The following ARHGEF3 variants were observed in gnomAD, a reference collection of about 807,000 sequenced individuals.
ARHGEF3 encodes 59.8 kDA protein.
ARHGEF3 carries 28 observed loss-of-function variants against 63.2 expected under a neutral mutation model. The observed-to-expected ratio is 0.44, with a 90% CI of 0.33 to 0.61. ARHGEF3 has a LOEUF of 0.61. ARHGEF3 is among the 20% of genes least tolerant of loss of function. The pLI, the probability that ARHGEF3 is intolerant of heterozygous loss-of-function variation, is 0.03. For missense variants in ARHGEF3, 533 were observed against 659.3 expected (o/e 0.81, Z 2.10); for synonymous variants, 266 against 254.2 (o/e 1.05, Z -0.44).
chr3:56,975,140 G>A (rs867756727), intron 2 of ARHGEF3, among the ~76,000 whole-genome samples: 3 of 152,172 alleles, frequency 2.0e-5, no homozygotes, highest in African/African-American at 7.2e-5. Flanking sequence ...AGTTCTGGCT[G>A]AGTGCGGTGG....
intron 2 of ARHGEF3, among the ~76,000 whole-genome samples, chr3:56,771,599 C>T (rs1324019925): frequency 1.3e-5 from 2 of 152,220 alleles, no homozygotes; most frequent in African/African-American, 4.8e-5. Context: ...TAGCTCATTA[C>T]TGCCATGTGG....
At chr3:57,014,093 G>C (rs1487973494) in intron 2 of ARHGEF3, among the ~76,000 whole-genome samples, 1 of 151,910 alleles carries the variant, frequency 6.6e-6, no homozygotes, top group Non-Finnish European at 1.5e-5. Flanking sequence ...AACCCGCCAG[G>C]AGGAACGAAC....
chr3:56,856,429 CTATT>C (rs1404620829), intron 4 of ARHGEF3, among the ~76,000 whole-genome samples: 1 of 152,092 alleles, frequency 6.6e-6, no homozygotes, highest in African/African-American at 2.4e-5. Flanking sequence ...TTTTACTTGT[CTATT>C]TATTGCTTAT....
At chr3:57,024,296 A>AC (rs1189672092) in intron 2 of ARHGEF3, among the ~76,000 whole-genome samples, 20 of 94,140 alleles carry the variant, frequency 2.1e-4, no homozygotes, top group African/African-American at 6.8e-4. Context: ...AAGGAAAGAT[A>AC]TTAAAAAAAA....
At chr3:56,975,422 A>T (rs1701087217) in intron 2 of ARHGEF3, among the ~76,000 whole-genome samples, 1 of 150,106 alleles carries the variant, frequency 6.7e-6, no homozygotes, top group South Asian at 2.1e-4. Context: ...TGTCTCAAAA[A>T]ATAATAATAA....
chr3:57,025,767 T>C (rs535792019), intron 2 of ARHGEF3, among the ~76,000 whole-genome samples: 60 of 152,278 alleles, frequency 3.9e-4, no homozygotes, highest in African/African-American at 1.3e-3. Flanking sequence ...CTCTATTAGA[T>C]TGTAATCAGG....
chr3:57,038,694 C>T (rs1302643691), intron 1 of ARHGEF3, among the ~76,000 whole-genome samples: 1 of 152,184 alleles, frequency 6.6e-6, no homozygotes, highest in African/African-American at 2.4e-5. Flanking sequence ...ATTCTTGCAC[C>T]TCAGCCTACC....
intron 3 of ARHGEF3, among the ~76,000 whole-genome samples, chr3:56,946,715 C>G (rs1228409784): frequency 6.6e-6 from 1 of 152,134 alleles, no homozygotes; most frequent in Non-Finnish European, 1.5e-5. Context: ...AGGATATTAT[C>G]CAGGAGAACT....
At chr3:56,736,249 A>T (rs188633846) in intron 8 of ARHGEF3, among the ~76,000 whole-genome samples, 5 of 152,334 alleles carry the variant, frequency 3.3e-5, no homozygotes, top group African/African-American at 1.2e-4. Context: ...CAAACCACCA[A>T]AACAACATGG....
intron 2 of ARHGEF3, among the ~76,000 whole-genome samples, chr3:56,765,194 A>G (rs574214889): frequency 3.9e-5 from 6 of 152,164 alleles, no homozygotes; most frequent in Non-Finnish European, 5.9e-5. Flanking sequence ...ATACTCTCCA[A>G]GCTTGTCCAA....
At chr3:56,795,718 T>G (rs892556162) in intron 1 of ARHGEF3, among the ~76,000 whole-genome samples, 1 of 148,876 alleles carries the variant, frequency 6.7e-6, no homozygotes, top group African/African-American at 2.5e-5. Flanking sequence ...CTCGGCTCAC[T>G]GCAATCTCTG....
chr3:57,033,401 T>C (rs1042038104), intron 2 of ARHGEF3, among the ~76,000 whole-genome samples: 1 of 146,078 alleles, frequency 6.8e-6, no homozygotes, highest in African/African-American at 2.5e-5. Flanking sequence ...GGATATACTA[T>C]TCACTTGGCT....
At chr3:57,042,842 G>A (rs1162672180) in intron 1 of ARHGEF3, among the ~76,000 whole-genome samples, 8 of 148,862 alleles carry the variant, frequency 5.4e-5, no homozygotes, top group Non-Finnish European at 7.4e-5. Flanking sequence ...GACTACAGGC[G>A]CCCGCCACCA....
intron 2 of ARHGEF3, among the ~76,000 whole-genome samples, chr3:57,002,462 C>CTATATA (rs1165862414): frequency 0.45 from 17,434 of 38,462 alleles, 4,339 homozygotes; most frequent in Middle Eastern, 0.56. Flanking sequence ...GTTCTAAGCA[C>CTATATA]TATATATATA....
At chr3:57,016,997 TTCTCTCTGTC>T (rs1217420533) in intron 2 of ARHGEF3, among the ~76,000 whole-genome samples, 3 of 109,068 alleles carry the variant, frequency 2.8e-5, no homozygotes, top group African/African-American at 1.4e-4. Flanking sequence ...GAGGAAAGCT[TTCTCTCTGTC>T]TCTCTCTCTC....
intron 1 of ARHGEF3, chr3:56,775,281 C>T (rs991990659): frequency 1.7e-5 from 21 of 1,249,464 alleles, no homozygotes; most frequent in Middle Eastern, 2.4e-4. Context: ...TGCTGAGACA[C>T]TCTCATGTCA....
intron 2 of ARHGEF3, among the ~76,000 whole-genome samples, chr3:57,034,201 G>T (rs986938237): frequency 6.6e-6 from 1 of 151,200 alleles, no homozygotes; most frequent in Admixed American, 6.6e-5. Context: ...AAGTGCAATT[G>T]TAGTGCACTT....
At chr3:56,921,680 C>T (rs1207064233) in intron 3 of ARHGEF3, among the ~76,000 whole-genome samples, 1 of 152,196 alleles carries the variant, frequency 6.6e-6, no homozygotes, top group South Asian at 2.1e-4. Flanking sequence ...AGGCCAAGGC[C>T]TATTGGACTC....
chr3:56,921,512 G>T (rs530037301), intron 3 of ARHGEF3, among the ~76,000 whole-genome samples: 1 of 151,254 alleles, frequency 6.6e-6, no homozygotes, highest in African/African-American at 2.4e-5. Context: ...TCAAATTAGA[G>T]CCTGAGAGTT....
Sources: allele counts gnomAD v4.1 joint callset (sites outside exome capture counted in the v4.1 genomes callset), GRCh38; gene constraint gnomAD v4.1.1; transcripts MANE v1.5; gene names NCBI Gene and HGNC (gene_info 2026-07-23, HGNC 2026-07-21).